Variants in SCAPER observed in about 807,000 individuals in gnomAD.
The protein encoded by SCAPER is S-phase cyclin A associated protein in the ER.
SCAPER carries 98 observed loss-of-function variants against 182.2 expected under a neutral mutation model. The ratio of observed to expected loss-of-function variants is 0.54; its 90% CI spans 0.46 to 0.64. The LOEUF (loss-of-function observed/expected upper bound fraction) is 0.64, where lower values mean the gene tolerates loss of function less well. SCAPER is among the 30% of genes least tolerant of loss of function. SCAPER has a pLI of 0.00. For missense variants in SCAPER, 1,432 were observed against 1,690.0 expected (o/e 0.85, Z 2.68); for synonymous variants, 605 against 564.6 (o/e 1.07, Z -1.01).
rs568736403 is a variant in SCAPER at position 76,633,369 on chromosome 15, C to T, written c.2646-11540G>A. ...GAACACTCCTGTATGAGGTGTCTGG[C>T]GAACTCTATTGGGACATCTCACTCA... On this transcript the variant is annotated intron_variant, in intron 21 of 31. Transcript: ENST00000563290. Among the ~76,000 whole-genome samples, 24 of 152,318 alleles carry T rather than the reference C, an allele frequency of 1.6e-4. No homozygotes were observed. The South Asian group carries it at 4.3e-3, about 28-fold the overall frequency.
intron 1 of SCAPER, among the ~76,000 whole-genome samples, chr15:76,885,715 G>A (rs2073803643): frequency 6.6e-6 from 1 of 152,082 alleles, no homozygotes; most frequent in African/African-American, 2.4e-5. Context: ...GAACTATTGG[G>A]CTCAAGCAAT....
chr15:76,563,374 T>C (rs542607370), intron 23 of SCAPER, among the ~76,000 whole-genome samples: 4 of 152,214 alleles, frequency 2.6e-5, no homozygotes, highest in African/African-American at 4.8e-5. Context: ...CAAGCAACAA[T>C]TGGAGAATAT....
chr15:76,478,634 G>C (rs976163461), intron 24 of SCAPER, among the ~76,000 whole-genome samples: 2 of 152,100 alleles, frequency 1.3e-5, no homozygotes, highest in African/African-American at 4.8e-5. Context: ...TGTTGTGTGA[G>C]ACAGGAGCCC....
intron 17 of SCAPER, among the ~76,000 whole-genome samples, chr15:76,723,972 TA>T (rs2060425809): frequency 6.6e-6 from 1 of 152,212 alleles, no homozygotes; most frequent in South Asian, 2.1e-4. Flanking sequence ...ATTATAATGT[TA>T]GCTGGTTATT....
chr15:76,446,320 T>C (rs142937759), intron 25 of SCAPER, among the ~76,000 whole-genome samples: 8 of 152,300 alleles, frequency 5.3e-5, no homozygotes, highest in African/African-American at 9.6e-5. Flanking sequence ...ACAAGCGTGA[T>C]GGAAGTTTTA....
intron 24 of SCAPER, among the ~76,000 whole-genome samples, chr15:76,478,548 C>T (rs1022132742): frequency 2.0e-5 from 3 of 151,982 alleles, no homozygotes; most frequent in African/African-American, 7.2e-5. Flanking sequence ...TATTTATTTT[C>T]CTTGAATTAT....
At chr15:76,437,726 T>C (rs1253349498) in intron 25 of SCAPER, among the ~76,000 whole-genome samples, 1 of 152,248 alleles carries the variant, frequency 6.6e-6, no homozygotes, top group Non-Finnish European at 1.5e-5. Flanking sequence ...TCTAGAAGTT[T>C]TTTTATCCAG....
At chr15:76,551,394 C>T (rs975773891) in intron 23 of SCAPER, among the ~76,000 whole-genome samples, 1 of 152,082 alleles carries the variant, frequency 6.6e-6, no homozygotes, top group Non-Finnish European at 1.5e-5. Flanking sequence ...AGAATGAAAT[C>T]CTGTCATTAT....
chr15:76,809,727 G>C (rs765401016), intron 5 of SCAPER, among the ~76,000 whole-genome samples: 6 of 152,092 alleles, frequency 3.9e-5, no homozygotes, highest in Non-Finnish European at 7.4e-5. Context: ...CCTGGGTGAG[G>C]AACTAGAAAT....
chr15:76,525,553 T>C (rs1174272488), intron 23 of SCAPER, among the ~76,000 whole-genome samples: 5 of 152,144 alleles, frequency 3.3e-5, no homozygotes, highest in Admixed American at 2.0e-4. Context: ...CATTGTCCAC[T>C]GCTTCCATCT....
intron 22 of SCAPER, among the ~76,000 whole-genome samples, chr15:76,596,659 C>A (rs1253768784): frequency 1.6e-5 from 2 of 121,620 alleles, no homozygotes; most frequent in African/African-American, 5.0e-5. Context: ...GCTGGTTCAA[C>A]ATACACAAAT....
chr15:76,545,669 T>C (rs751153212), intron 23 of SCAPER, among the ~76,000 whole-genome samples: 3 of 152,100 alleles, frequency 2.0e-5, no homozygotes, highest in African/African-American at 7.2e-5. Context: ...GTGAGCTTCA[T>C]AATCACCCTG....
At chr15:76,869,740 C>G (rs953034380) in intron 2 of SCAPER, among the ~76,000 whole-genome samples, 1 of 152,110 alleles carries the variant, frequency 6.6e-6, no homozygotes, top group Non-Finnish European at 1.5e-5. Flanking sequence ...TATGATCCAG[C>G]AATTCCACTA....
rs575527859 is a variant in SCAPER, at chr15:76,558,624, T to C, written c.2838+15534A>G. On this transcript the variant is annotated intron_variant, in intron 23 of 31. Coordinates refer to ENST00000563290, the MANE Select transcript of SCAPER (RefSeq NM_020843.4). ...TGTGGAAAGCAGTTGTGATGCTTTC[T>C]CAGAGAACTTAGAACTACCATTTGA... Among the ~76,000 whole-genome samples, 4 of 152,310 alleles carry C rather than the reference T, an allele frequency of 2.6e-5. No homozygotes were observed. The East Asian group carries it at 7.7e-4, about 29-fold the overall frequency.
rs369954439 is a variant in SCAPER at position 76,873,834 on chromosome 15, AAG to A, written c.6+9976_6+9977del. Among the ~76,000 whole-genome samples, 92 of 152,302 alleles carry A rather than the reference AAG, an allele frequency of 6.0e-4. No homozygotes were observed. The South Asian group carries it at 0.019, about 31-fold the overall frequency. Reference sequence around the variant, plus strand: ...TAAATTTCAAAGTATAGAAAGTAAAAAGAGATATAACCTGAATAATCCCCATG... The same window carrying A: ...TAAATTTCAAAGTATAGAAAGTAAAAAGATATAACCTGAATAATCCCCATG... On this transcript the variant is annotated intron_variant, in intron 2 of 31. Transcript: ENST00000563290.
intron 24 of SCAPER, among the ~76,000 whole-genome samples, chr15:76,489,204 A>G (rs894858552): frequency 1.1e-4 from 16 of 139,616 alleles, no homozygotes; most frequent in African/African-American, 4.2e-4. Flanking sequence ...GGTTGGTGCA[A>G]AAGTAATTGT....
At chr15:76,729,293 CAT>C (rs1003042314) in intron 16 of SCAPER, among the ~76,000 whole-genome samples, 6 of 116,230 alleles carry the variant, frequency 5.2e-5, no homozygotes, top group African/African-American at 9.8e-5. Flanking sequence ...TATATATACA[CAT>C]ACACACACAC....
At chr15:76,710,261 TA>T (rs1409284350) in intron 17 of SCAPER, among the ~76,000 whole-genome samples, 1 of 152,074 alleles carries the variant, frequency 6.6e-6, no homozygotes, top group Non-Finnish European at 1.5e-5. Context: ...CCTTTATGTA[TA>T]AAAAGTACTA....
chr15:76,477,038 G>C (rs994554685), intron 24 of SCAPER, among the ~76,000 whole-genome samples: 1 of 151,790 alleles, frequency 6.6e-6, no homozygotes, highest in Non-Finnish European at 1.5e-5. Context: ...GTATATAATA[G>C]AATTTGGAAA....
Sources: allele counts gnomAD v4.1 joint callset (sites outside exome capture counted in the v4.1 genomes callset), GRCh38; gene constraint gnomAD v4.1.1; transcripts MANE v1.5; gene names NCBI Gene and HGNC (gene_info 2026-07-23, HGNC 2026-07-21).